MON1B: variants seen among roughly 807,000 people sequenced by gnomAD.
MON1B encodes MON1 vesicular trafficking associated B.
Under a neutral mutation model 45.1 loss-of-function variants are expected in MON1B, and 26 were observed. The observed-to-expected ratio is 0.58, with a 90% CI of 0.42 to 0.80. MON1B has a LOEUF of 0.80. MON1B is among the 30% of genes least tolerant of loss of function. MON1B has a pLI of 0.00. For missense variants in MON1B, 737 were observed against 754.5 expected (o/e 0.98, Z 0.27); for synonymous variants, 395 against 320.2 (o/e 1.23, Z -2.49).
Position 77,199,490 on chromosome 16 carries a change from AG to A in MON1B, c.*1183del. The A allele has an allele frequency of 6.4e-7, 1 of 1,551,492 alleles. No homozygotes were observed. Among genetic ancestry groups the A allele is most frequent in the Non-Finnish European group, 8.7e-7 (1 of 1,146,960 alleles). ...TGAAACCTCTGAATGTGGAGGCGCC[AG>A]AAGCTACTGAGGAGGCTGAAGGTAG... is the stretch of plus-strand genomic sequence containing the variant. On this transcript the variant is annotated 3_prime_UTR_variant, in exon 6 of 6. Transcript: ENST00000248248.
At chr16:77,195,217 A>G (rs766193723) in intron 4 of MON1B, 63 bp downstream of exon 4, 1 of 1,405,920 alleles carries the variant, frequency 7.1e-7, no homozygotes, top group Non-Finnish European at 9.5e-7. Flanking sequence ...GAAGTTCAGC[A>G]TCTCAGGGAT....
chr16:77,199,538 C>T lies in MON1B; in HGVS notation c.*1230C>T. The T allele has an allele frequency of 1.3e-6, 2 of 1,526,740 alleles. No homozygotes were observed. The highest frequency in any genetic ancestry group is 1.8e-6 in the Non-Finnish European group (2 of 1,124,922). The allele number at this position is 1,526,740 out of a possible 1,614,324, so 94.6% of individuals were successfully genotyped here. A position where few individuals can be genotyped will look rare whatever the true frequency, so the allele number is the denominator to read the frequency against. On this transcript the variant is annotated 3_prime_UTR_variant, in exon 6 of 6. Transcript: ENST00000248248. ...GTAGTGAGGGCAAGTGGGCTGCACT[C>T]CTTTCTCTCCAACCAGGGCAGAAAG...
chr16:77,199,121 T>G lies in MON1B; in HGVS notation c.*813T>G, dbSNP rs1191918796. On this transcript the variant is annotated 3_prime_UTR_variant, in exon 6 of 6. Transcript: ENST00000248248. ...CCACCACATAGCACATGCACGTCTG[T>G]CCCAGACTTTGACAACCTGCACAAG... 1 of 324,624 alleles carries G rather than the reference T, an allele frequency of 3.1e-6. No homozygotes were observed. The highest frequency in any genetic ancestry group is 4.5e-5 in the Admixed American group (1 of 22,102). The allele number at this position is 324,624 out of a possible 1,614,324, so 20.1% of individuals were successfully genotyped here. A position where few individuals can be genotyped will look rare whatever the true frequency, so the allele number is the denominator to read the frequency against.
chr16:77,192,066 G>T (rs906806294), intron 2 of MON1B, among the ~76,000 whole-genome samples: 1 of 152,200 alleles, frequency 6.6e-6, no homozygotes, highest in Admixed American at 6.5e-5. Flanking sequence ...TGGGCACTCA[G>T]AGTATTTACA....
intron 5 of MON1B, among the ~76,000 whole-genome samples, chr16:77,196,081 G>A (rs1483271197): frequency 6.6e-6 from 1 of 152,094 alleles, no homozygotes; most frequent in African/African-American, 2.4e-5. Flanking sequence ...TACAGGCGTG[G>A]TCCCTTGCTG....
At chr16:77,195,271 G>C in intron 4 of MON1B, 117 bp downstream of exon 4, 2 of 1,136,282 alleles carry the variant, frequency 1.8e-6, no homozygotes, top group Non-Finnish European at 2.4e-6. Flanking sequence ...AAAGAGGGAA[G>C]AGAACAAGTC....
intron 5 of MON1B, 61 bp downstream of exon 5, chr16:77,195,743 T>C (rs1567419837): frequency 6.3e-7 from 1 of 1,586,258 alleles, no homozygotes; most frequent in Non-Finnish European, 8.6e-7. Context: ...TTCCCTATAT[T>C]GTATCCCCTC....
rs2054692003 is a variant in MON1B, at chr16:77,198,529, A to T, written c.*221A>T. Reference sequence around the variant, plus strand: ...GTCATGCACCTCCCCCTCTGGGGAAATCCTTAGGCCTCCCTCTCCCTTCCC... The same window carrying T: ...GTCATGCACCTCCCCCTCTGGGGAATTCCTTAGGCCTCCCTCTCCCTTCCC... On this transcript the variant is annotated 3_prime_UTR_variant, in exon 6 of 6. Transcript: ENST00000248248. The T allele has an allele frequency of 1.7e-6, 1 of 584,098 alleles. No individual in the cohort carries two copies. Among genetic ancestry groups the T allele is most frequent in the Non-Finnish European group, 3.0e-6 (1 of 328,082 alleles). The allele number at this position is 584,098 out of a possible 1,614,324, so 36.2% of individuals were successfully genotyped here. A position where few individuals can be genotyped will look rare whatever the true frequency, so the allele number is the denominator to read the frequency against.
At position 77,193,931 on chromosome 16, in the gene MON1B, G is replaced by C; in HGVS notation, c.475+154G>C. ...GAGCTCTGTCAGTGGCGGGAGGTGG[G>C]GGGGTTCATCTCTGTCTGGCCTGCT... On this transcript the variant is annotated intron_variant, in intron 3 of 5. Coordinates refer to ENST00000248248, the MANE Select transcript of MON1B (RefSeq NM_014940.4). The surrounding 1 kb of genome is among the most constrained non-coding windows in gnomAD (Gnocchi z 5.0). 1 of 767,396 alleles carries C rather than the reference G, an allele frequency of 1.3e-6. No homozygotes were observed. Among genetic ancestry groups the C allele is most frequent in the Non-Finnish European group, 2.0e-6 (1 of 488,172 alleles). The allele number at this position is 767,396 out of a possible 1,614,324, so 47.5% of individuals were successfully genotyped here. A position where few individuals can be genotyped will look rare whatever the true frequency, so the allele number is the denominator to read the frequency against.
rs145600976 is a variant in MON1B at position 77,199,226 on chromosome 16, C to T, written c.*918C>T. The T allele has an allele frequency of 9.6e-4, 534 of 557,730 alleles. 3 individuals carry two copies. Among genetic ancestry groups the T allele is most frequent in the African/African-American group, 9.6e-3 (499 of 52,134 alleles). 34.5% of individuals were successfully genotyped at this position (557,730 alleles called of 1,614,324 possible). A position where few individuals can be genotyped will look rare whatever the true frequency, so the allele number is the denominator to read the frequency against. On this transcript the variant is annotated 3_prime_UTR_variant, in exon 6 of 6. Coordinates refer to ENST00000248248, the MANE Select transcript of MON1B (RefSeq NM_014940.4). ...ACCCTCACTCCCCAACTGGCCATTA[C>T]CCTAGTTCTGCCCTTGTTTGTGGAG...
Position 77,198,118 on chromosome 16 carries a change from A to G in MON1B, c.1454A>G (p.Lys485Arg), listed in dbSNP as rs146781059. The change falls in exon 6 of 6, where the codon AAA becomes AGA. Residue 485 changes from lysine to arginine, a missense_variant. Lys to Arg is a conservative substitution (Grantham distance 26). Coordinates refer to ENST00000248248, the MANE Select transcript of MON1B (RefSeq NM_014940.4). ...CTCCGAAACCCCCAGGTGACCTCCA[A>G]ATTCGAGCTCTATACCTGCCTCAGC... is the stretch of plus-strand genomic sequence containing the variant. The part of the protein sequence containing the change: ...KETLLAWVTS[K>R]FELYTCLSPL... 6 of 1,613,920 alleles carry G rather than the reference A, an allele frequency of 3.7e-6. No homozygotes were observed. In the Admixed American group the frequency reaches 6.7e-5, roughly 18 times the overall value.
chr16:77,191,523 G>C lies in MON1B; in HGVS notation c.38G>C (p.Gly13Ala), dbSNP rs778615455. The change falls in exon 2 of 6, where the codon GGG becomes GCG. Residue 13 changes from glycine (G) to alanine (A), a missense_variant. Transcript: ENST00000248248. ...GGAGACACTGCTGCCCCGGCCCCCG[G>C]GGGCGCGGAGGACTTGGAGGACACG... is the stretch of plus-strand genomic sequence containing the variant. ...VGGDTAAPAP[G>A]GAEDLEDTQF... 6.2e-7 allele frequency: 1 copy of C among 1,608,616 alleles called. No homozygotes were observed. The highest frequency in any genetic ancestry group is 8.5e-7 in the Non-Finnish European group (1 of 1,178,432).
At position 77,194,998 on chromosome 16, in the gene MON1B, T is replaced by A; in HGVS notation, c.1139T>A (p.Met380Lys). ...GATGGGATGCATGCCCTTGGTGCCA[T>A]GCGTGCCCTTGGGGAGGCTGCCAGC... ...VEDGMHALGA[M>K]RALGEAASFS... Residue 380 changes from methionine to lysine, a missense_variant, in exon 4 of 6, where the codon ATG (methionine) becomes AAG (lysine). Transcript: ENST00000248248. The surrounding 1 kb of genome is among the most constrained non-coding windows in gnomAD (Gnocchi z 8.1). 6.2e-7 allele frequency: 1 copy of A among 1,613,622 alleles called. No individual in the cohort carries two copies. The highest frequency in any genetic ancestry group is 8.5e-7 in the Non-Finnish European group (1 of 1,179,902).
rs2054694562 is a variant in MON1B at position 77,198,718 on chromosome 16, C to A, written c.*410C>A. ...CACGGGGGTGCTGGAATTGGCACTT[C>A]AGGGCCAGGCTATGCTTGGGACTGG... On this transcript the variant is annotated 3_prime_UTR_variant, in exon 6 of 6. Transcript: ENST00000248248. The A allele has an allele frequency of 4.3e-6, 1 of 233,192 alleles. No homozygotes were observed. Among genetic ancestry groups the A allele is most frequent in the African/African-American group, 2.2e-5 (1 of 45,336 alleles). The allele number at this position is 233,192 out of a possible 1,614,324, so 14.4% of individuals were successfully genotyped here.
intron 2 of MON1B, 62 bp downstream of exon 2, chr16:77,191,695 G>T: frequency 6.6e-7 from 1 of 1,519,856 alleles, no homozygotes; most frequent in Non-Finnish European, 8.7e-7. Flanking sequence ...GTTGGACGGG[G>T]GAAGGGTCAG....
chr16:77,194,975 T>C lies in MON1B; in HGVS notation c.1116T>C (p.Asp372=). The C allele has an allele frequency of 6.2e-7, 1 of 1,613,892 alleles. No homozygotes were observed. The change falls in exon 4 of 6, where the codon GAT becomes GAC. Residue 372 remains aspartate, a synonymous_variant. Coordinates refer to ENST00000248248, the MANE Select transcript of MON1B (RefSeq NM_014940.4). The surrounding 1 kb of genome is among the most constrained non-coding windows in gnomAD (Gnocchi z 8.1). The part of the protein sequence containing the change: ...AMAACRRLVE[D]GMHALGAMRA... ...CCGCCTGCCGGCGCCTGGTTGAAGA[T>C]GGGATGCATGCCCTTGGTGCCATGC... is the stretch of plus-strand genomic sequence containing the variant.
rs755272162 is a variant in MON1B at position 77,193,324 on chromosome 16, G to A, written c.149-127G>A. 3 of 860,016 alleles carry A rather than the reference G, an allele frequency of 3.5e-6. No individual in the cohort carries two copies. The highest frequency in any genetic ancestry group is 5.3e-6 in the Non-Finnish European group (3 of 562,952). The allele number at this position is 860,016 out of a possible 1,614,324, so 53.3% of individuals were successfully genotyped here. ...CATCGGGTCATTGAGGGGCATAGGAGACACTTGGAGTTCTGCGTCAGCATG... is the reference window on the plus strand; with the variant it reads ...CATCGGGTCATTGAGGGGCATAGGAAACACTTGGAGTTCTGCGTCAGCATG... On this transcript the variant is annotated intron_variant, in intron 2 of 5. Transcript: ENST00000248248. This position sits in a 1 kb window ranked among gnomAD's most constrained non-coding sequence, Gnocchi z 5.0.
intron 5 of MON1B, among the ~76,000 whole-genome samples, chr16:77,196,116 C>T (rs1028289953): frequency 1.3e-5 from 2 of 152,144 alleles, no homozygotes; most frequent in Non-Finnish European, 2.9e-5. Context: ...GGTATCCTTC[C>T]CTTTGGTCTC....
At chr16:77,191,349 A>T (rs2054612796) in intron 1 of MON1B, 91 bp downstream of exon 1, 4 of 1,563,444 alleles carry the variant, frequency 2.6e-6, no homozygotes, top group African/African-American at 2.7e-5. Flanking sequence ...ATGATTTTGG[A>T]TGTCTCGTCC....
Sources: allele counts gnomAD v4.1 joint callset (sites outside exome capture counted in the v4.1 genomes callset), GRCh38; gene constraint gnomAD v4.1.1; non-coding constraint Gnocchi (gnomAD v3.1); transcripts MANE v1.5; gene names NCBI Gene and HGNC (gene_info 2026-07-23, HGNC 2026-07-21).